CAPRIN1: variants seen among roughly 807,000 people sequenced by gnomAD.
The protein encoded by CAPRIN1 is cell cycle associated protein 1, also known as caprin-1.
CAPRIN1 carries 29 observed loss-of-function variants against 100.9 expected under a neutral mutation model. The ratio of observed to expected loss-of-function variants is 0.29; its 90% CI spans 0.21 to 0.39. CAPRIN1 has a LOEUF of 0.39. Among genes scored for constraint, CAPRIN1 ranks in the 10% least tolerant of loss-of-function variants. The pLI is 1.00. For synonymous variants in CAPRIN1, 338 were observed against 307.5 expected (o/e 1.10, Z -1.04); for missense variants, 795 against 876.7 (o/e 0.91, Z 1.18).
In CAPRIN1 at chr11:34,086,231, T is replaced by C. The variant is rs1483974139; in HGVS notation, c.1122+12T>C. The C allele has an allele frequency of 1.9e-6, 3 of 1,613,128 alleles. No individual in the cohort carries two copies. The highest frequency in any genetic ancestry group is 2.5e-6 in the Non-Finnish European group (3 of 1,179,264). ...ATAATTTCATACAGGTATGTTCATT[T>C]TAGTCAGACTCTGTAACAGAAAGTT... On this transcript the variant is annotated intron_variant, in intron 10 of 18. Coordinates refer to ENST00000341394, the MANE Select transcript of CAPRIN1 (RefSeq NM_005898.5).
chr11:34,063,455 T>G (rs1850623645), intron 2 of CAPRIN1: 1 of 152,242 alleles, frequency 6.6e-6, no homozygotes, highest in South Asian at 2.1e-4. Flanking sequence ...CCTTTTAAAT[T>G]TGAATGTCTG....
In CAPRIN1 at chr11:34,052,449, G is replaced by A. The variant is rs377464207; in HGVS notation, c.29G>A (p.Ser10Asn). 3.9e-5 allele frequency: 63 copies of A among 1,607,508 alleles called. No homozygotes were observed. Among genetic ancestry groups the A allele is most frequent in the Non-Finnish European group, 5.3e-5 (63 of 1,178,868 alleles). Residue 10 changes from serine (S) to asparagine (N), a missense_variant, in exon 2 of 19, where the codon AGC becomes AAC. Around this residue, in one of 3 missense-constraint regions of CAPRIN1, gnomAD observed 109 missense variants for 86.6 expected, o/e 1.26. Coordinates refer to ENST00000341394, the MANE Select transcript of CAPRIN1 (RefSeq NM_005898.5). MPSATSHSG[S>N]GSKSSGPPPP... ...CCCTCGGCCACCAGCCACAGCGGGA[G>A]CGGCAGCAAGTCGTCCGGACCGCCA...
chr11:34,066,948 T>C (rs1321603842), intron 2 of CAPRIN1, among the ~76,000 whole-genome samples: 1 of 150,658 alleles, frequency 6.6e-6, no homozygotes, highest in Non-Finnish European at 1.5e-5. Context: ...TTTTTTTTTT[T>C]TAAGACAGTC....
At position 34,100,554 on chromosome 11, in the gene CAPRIN1, A is replaced by AC. The variant is rs1196648286; in HGVS notation, c.*1191dup. On this transcript the variant is annotated 3_prime_UTR_variant, in exon 19 of 19. Coordinates refer to ENST00000341394, the MANE Select transcript of CAPRIN1 (RefSeq NM_005898.5). Reference sequence around the variant, plus strand: ...CAACAGCTAGCAGCTTATGTGATTCACCCCATGCCACGTTAGTGTCACAAA... The same window carrying AC: ...CAACAGCTAGCAGCTTATGTGATTCACCCCCATGCCACGTTAGTGTCACAAA... The AC allele has an allele frequency of 1.3e-5, 2 of 152,110 alleles. No homozygotes were observed. Among genetic ancestry groups the AC allele is most frequent in the African/African-American group, 2.4e-5 (1 of 41,424 alleles). The allele number at this position is 152,110 out of a possible 1,614,324, so 9.4% of individuals were successfully genotyped here. A position where few individuals can be genotyped will look rare whatever the true frequency, so the allele number is the denominator to read the frequency against.
chr11:34,097,283 C>G lies in CAPRIN1; in HGVS notation c.1988C>G (p.Ser663Cys). The G allele has an allele frequency of 1.2e-6, 2 of 1,611,188 alleles. No homozygotes were observed. Among genetic ancestry groups the G allele is most frequent in the Non-Finnish European group, 1.7e-6 (2 of 1,177,302 alleles). ...CAGTTCAGTGCTCCCCGGGATTACT[C>G]TGGCTATCAACGGGTAGGTAAAGTA... ...QSQFSAPRDY[S>C]GYQRDGYQQN... The change falls in exon 17 of 19, where the codon TCT becomes TGT. Residue 663 changes from serine to cysteine, a missense_variant. Transcript: ENST00000341394.
intron 6 of CAPRIN1, among the ~76,000 whole-genome samples, chr11:34,078,137 G>T (rs1850941416): frequency 6.6e-6 from 1 of 152,238 alleles, no homozygotes; most frequent in South Asian, 2.1e-4. Context: ...ACCCAAATTA[G>T]TGTTTTTATG....
intron 17 of CAPRIN1, 115 bp downstream of exon 17, chr11:34,097,411 A>G (rs1055738688): frequency 9.2e-6 from 8 of 867,324 alleles, no homozygotes; most frequent in Non-Finnish European, 1.5e-5. Context: ...TGTGGTGTCC[A>G]AGACACTCTG....
rs1851423745 is a variant in CAPRIN1 at position 34,099,644 on chromosome 11, A to G, written c.*277A>G. ...CACCCTTGCTTAGGAGTAAAACAAT[A>G]TACTTTACAGGGTGATAATAATCTC... On this transcript the variant is annotated 3_prime_UTR_variant, in exon 19 of 19. Coordinates refer to ENST00000341394, the MANE Select transcript of CAPRIN1 (RefSeq NM_005898.5). 4.9e-6 allele frequency: 2 copies of G among 412,256 alleles called. No homozygotes were observed. The highest frequency in any genetic ancestry group is 2.0e-5 in the African/African-American group (1 of 49,632). 25.5% of individuals were successfully genotyped at this position (412,256 alleles called of 1,614,324 possible).
chr11:34,079,757 C>T lies in CAPRIN1; in HGVS notation c.818C>T (p.Pro273Leu), dbSNP rs1850975413. 6.2e-7 allele frequency: 1 copy of T among 1,613,906 alleles called. No homozygotes were observed. Among genetic ancestry groups the T allele is most frequent in the East Asian group, 2.2e-5 (1 of 44,880 alleles). The change falls in exon 7 of 19, where the codon CCT (proline) becomes CTT (leucine). Residue 273 changes from proline (P) to leucine (L), a missense_variant. Pro to Leu is a moderately conservative substitution (Grantham distance 98). Around this residue, in one of 3 missense-constraint regions of CAPRIN1, gnomAD observed 648 missense variants for 697.9 expected, o/e 0.93. Transcript: ENST00000341394. The part of the protein sequence containing the change: ...ASAPAVEDQV[P>L]EAEPEPAEEY... ...GCACCTGCAGTTGAAGACCAGGTACCTGAAGCTGGTGAGTATTAGGTGGAT... is the reference window on the plus strand; with the variant it reads ...GCACCTGCAGTTGAAGACCAGGTACTTGAAGCTGGTGAGTATTAGGTGGAT...
chr11:34,082,385 C>T (rs1035493318), intron 7 of CAPRIN1, among the ~76,000 whole-genome samples: 1 of 152,106 alleles, frequency 6.6e-6, no homozygotes, highest in Non-Finnish European at 1.5e-5. Flanking sequence ...GTTGGGGTTT[C>T]ACCAGGTTGG....
chr11:34,071,170 C>G (rs1850798149), intron 2 of CAPRIN1, among the ~76,000 whole-genome samples: 1 of 152,200 alleles, frequency 6.6e-6, no homozygotes, highest in Admixed American at 6.5e-5. Flanking sequence ...CCATCTAATA[C>G]TCTTTCTTGA....
intron 9 of CAPRIN1, among the ~76,000 whole-genome samples, chr11:34,084,057 T>C (rs1354318440): frequency 6.6e-6 from 1 of 151,942 alleles, no homozygotes; most frequent in African/African-American, 2.4e-5. Flanking sequence ...TGACAGAGAC[T>C]CTGTCTCAAG....
At position 34,052,648 on chromosome 11, in the gene CAPRIN1, TGGC is replaced by T; in HGVS notation, c.216+15_216+17del. On this transcript the variant is annotated intron_variant, in intron 2 of 18. Transcript: ENST00000341394. ...TGGAGAAGAAAAAGGTGCCAGGAGT[TGGC>T]GGGGAAGGGAGGGGTGGCTGCGGCC... 6.3e-7 allele frequency: 1 copy of T among 1,597,934 alleles called. No homozygotes were observed. Among genetic ancestry groups the T allele is most frequent in the Admixed American group, 1.7e-5 (1 of 57,746 alleles).
chr11:34,096,304 G>C, intron 15 of CAPRIN1, 175 bp from the exon 16 acceptor site: 1 of 527,226 alleles, frequency 1.9e-6, no homozygotes, highest in Non-Finnish European at 3.3e-6. Context: ...GAGTCTAAGG[G>C]TAGGAGAAAG....
Position 34,086,394 on chromosome 11 carries a change from C to T in CAPRIN1, c.1212C>T (p.Pro404=), listed in dbSNP as rs137989150. 4.3e-5 allele frequency: 70 copies of T among 1,612,112 alleles called. No individual in the cohort carries two copies. Among genetic ancestry groups the T allele is most frequent in the Non-Finnish European group, 5.4e-5 (64 of 1,178,704 alleles). ...ATCCAACACAAAACATGGACATGCC[C>T]CAGCTGGTTTGCCCTCCAGGTTAGT... is the stretch of plus-strand genomic sequence containing the variant. ...PMNPTQNMDM[P]QLVCPPVHSE... Residue 404 remains proline, a synonymous_variant, in exon 11 of 19, where the codon CCC becomes CCT. Transcript: ENST00000341394.
At chr11:34,077,297 A>C (rs1850927185) in intron 6 of CAPRIN1, among the ~76,000 whole-genome samples, 1 of 152,194 alleles carries the variant, frequency 6.6e-6, no homozygotes, top group African/African-American at 2.4e-5. Context: ...TTGGTAATAG[A>C]TAGGGACTGT....
At chr11:34,051,892 A>AGCCGCTGCAGGGGAAGAGG (rs1850310486) in intron 1 of CAPRIN1, 21 bp downstream of exon 1, 1 of 151,446 alleles carries the variant, frequency 6.6e-6, no homozygotes, top group Admixed American at 6.6e-5. Flanking sequence ...CCCGGGACCG[A>AGCCGCTGCAGGGGAAGAGG]GCCGCTGCAG....
chr11:34,076,898 C>T (rs1041314417), intron 6 of CAPRIN1, among the ~76,000 whole-genome samples: 1 of 152,020 alleles, frequency 6.6e-6, no homozygotes, highest in Non-Finnish European at 1.5e-5. Context: ...CCACGCCTGG[C>T]TATTTTTTGT....
At chr11:34,086,531 G>A in intron 11 of CAPRIN1, 118 bp downstream of exon 11, 1 of 590,014 alleles carries the variant, frequency 1.7e-6, no homozygotes, top group Non-Finnish European at 3.0e-6. Flanking sequence ...TTGACTCTTA[G>A]GTCTTTTAAT....
Sources: allele counts gnomAD v4.1 joint callset (sites outside exome capture counted in the v4.1 genomes callset), GRCh38; gene constraint gnomAD v4.1.1; regional missense constraint gnomAD v4.1.1; transcripts MANE v1.5; gene names NCBI Gene and HGNC (gene_info 2026-07-23, HGNC 2026-07-21).